Variants in CEP43 observed in about 807,000 individuals in gnomAD.
CEP43 encodes FGFR1 oncogene partner.
CEP43 carries 36 observed loss-of-function variants against 52.6 expected under a neutral mutation model. The observed-to-expected ratio is 0.68, with a 90% confidence interval of 0.52 to 0.90. The LOEUF (loss-of-function observed/expected upper bound fraction) is 0.90. Ranked by LOEUF, CEP43 falls within the 40% of genes least tolerant of loss-of-function variation. The probability of loss-of-function intolerance (pLI) is 0.00; values close to 1 mark genes in which losing one functional copy is unlikely to be tolerated. For missense variants in CEP43, 506 were observed against 472.8 expected (o/e 1.07, Z -0.65); for synonymous variants, 192 against 172.4 (o/e 1.11, Z -0.89).
intron 5 of CEP43, 119 bp from the exon 6 acceptor site, chr6:167,010,694 A>G: frequency 2.0e-6 from 1 of 495,908 alleles, no homozygotes; most frequent in Non-Finnish European, 3.4e-6. Flanking sequence ...TTACTTTAAT[A>G]AGAAATAAAA....
At chr6:167,000,335 T>C (rs548736054) in intron 2 of CEP43, among the ~76,000 whole-genome samples, 2 of 152,384 alleles carry the variant, frequency 1.3e-5, no homozygotes, top group African/African-American at 2.4e-5. Context: ...CTGATACTAA[T>C]GCTTAATCTG....
rs115919719 is a variant in CEP43, at chr6:167,011,865, C to T, written c.519+972C>T. Among the ~76,000 whole-genome samples, 420 of 152,296 alleles carry T rather than the reference C, an allele frequency of 2.8e-3. 3 individuals carry two copies. Among genetic ancestry groups the T allele is most frequent in the African/African-American group, 9.7e-3 (404 of 41,570 alleles). On this transcript the variant is annotated intron_variant, in intron 6 of 12. Transcript: ENST00000366847. ...ACAAAGCCTTCACCCGCATGATCTGCTCACCCCGCAAAGGCTCCACCTTCT... is the reference window on the plus strand; with the variant it reads ...ACAAAGCCTTCACCCGCATGATCTGTTCACCCCGCAAAGGCTCCACCTTCT...
intron 5 of CEP43, among the ~76,000 whole-genome samples, chr6:167,008,415 G>T (rs1779902780): frequency 6.6e-6 from 1 of 152,046 alleles, no homozygotes; most frequent in Admixed American, 6.6e-5. Context: ...AATTTACTGA[G>T]GACAAGGGCT....
At chr6:167,033,099 CTTTTTTTTTT>C (rs71032896) in intron 11 of CEP43, among the ~76,000 whole-genome samples, 12 of 68,354 alleles carry the variant, frequency 1.8e-4, no homozygotes, top group Middle Eastern at 0.031. Flanking sequence ...TTGCCATTCT[CTTTTTTTTTT>C]TTTTTTTTTT....
At chr6:167,039,787 T>G in intron 12 of CEP43, 117 bp from the exon 13 acceptor site, 2 of 1,008,064 alleles carry the variant, frequency 2.0e-6, no homozygotes, top group South Asian at 1.5e-5. Context: ...GATTTTTTGA[T>G]TATGGCCATT....
chr6:167,039,066 C>T (rs1183429562), intron 12 of CEP43, among the ~76,000 whole-genome samples: 1 of 152,116 alleles, frequency 6.6e-6, no homozygotes, highest in African/African-American at 2.4e-5. Context: ...TTTTCCATTC[C>T]TGAGTTACTT....
rs1299861057 is a variant in CEP43 at position 167,049,900 on chromosome 6, A to G, written c.*9922A>G. 1.3e-5 allele frequency: 2 copies of G among 152,332 alleles called. No individual in the cohort carries two copies. The highest frequency in any genetic ancestry group is 1.9e-4 in the East Asian group (1 of 5,186). 9.4% of individuals were successfully genotyped at this position (152,332 alleles called of 1,614,324 possible). ...TTATTCTCTCTCTTTTTAGATATAG[A>G]CATTCTGGCAGGTGTGACATTGTAT... On this transcript the variant is annotated 3_prime_UTR_variant, in exon 13 of 13. Coordinates refer to ENST00000366847, the MANE Select transcript of CEP43 (RefSeq NM_007045.4).
At chr6:167,039,795 ATTC>A in intron 12 of CEP43, 106 bp from the exon 13 acceptor site, 1 of 1,116,960 alleles carries the variant, frequency 9.0e-7, no homozygotes, top group Non-Finnish European at 1.3e-6. Flanking sequence ...GATTATGGCC[ATTC>A]TTGCAGGAGT....
rs952108269 is a variant in CEP43 at position 167,047,822 on chromosome 6, T to C, written c.*7844T>C. ...CACAGAATCAGAAACCATGGATTTC[T>C]GGTCTTGACTCCACTACCACTCAGA... On this transcript the variant is annotated 3_prime_UTR_variant, in exon 13 of 13. Transcript: ENST00000366847. The C allele has an allele frequency of 6.6e-6, 1 of 152,108 alleles. No individual in the cohort carries two copies. The highest frequency in any genetic ancestry group is 1.5e-5 in the Non-Finnish European group (1 of 68,006). The allele number at this position is 152,108 out of a possible 1,614,324, so 9.4% of individuals were successfully genotyped here.
At chr6:167,008,770 A>G (rs913816762) in intron 5 of CEP43, among the ~76,000 whole-genome samples, 6 of 151,662 alleles carry the variant, frequency 4.0e-5, no homozygotes, top group African/African-American at 1.2e-4. Flanking sequence ...CACCGTGCCC[A>G]GCTGGCATAG....
At position 167,012,843 on chromosome 6, in the gene CEP43, C is replaced by T. The variant is rs557061804; in HGVS notation, c.520-665C>T. Among the ~76,000 whole-genome samples the T allele has an allele frequency of 7.2e-5, 11 of 152,252 alleles. No individual in the cohort carries two copies. In the East Asian group the frequency reaches 9.6e-4, roughly 13 times the overall value. ...CGTTTGTCCTAACAGCTGTCTCTGC[C>T]GTCATCCCGTTATTCTAGTTTAGTC... is the stretch of plus-strand genomic sequence containing the variant. On this transcript the variant is annotated intron_variant, in intron 6 of 12. Coordinates refer to ENST00000366847, the MANE Select transcript of CEP43 (RefSeq NM_007045.4).
chr6:167,037,545 A>T (rs1191515823), intron 12 of CEP43, among the ~76,000 whole-genome samples: 1 of 152,220 alleles, frequency 6.6e-6, no homozygotes, highest in Non-Finnish European at 1.5e-5. Flanking sequence ...TAAGATTCCT[A>T]ATAATTTTCT....
chr6:167,018,021 G>A (rs578077021), intron 7 of CEP43, among the ~76,000 whole-genome samples: 258 of 152,320 alleles, frequency 1.7e-3, no homozygotes, highest in African/African-American at 5.9e-3. Flanking sequence ...TGAAATCAAG[G>A]TTCGCGGAGG....
chr6:167,026,052 G>A (rs1780348261), intron 9 of CEP43, among the ~76,000 whole-genome samples: 1 of 152,222 alleles, frequency 6.6e-6, no homozygotes, highest in Non-Finnish European at 1.5e-5. Flanking sequence ...TTCCAATAAA[G>A]TAGTATTGTT....
In CEP43 at chr6:167,013,824, T is replaced by G. The variant is rs1780035521; in HGVS notation, c.579+257T>G. Among the ~76,000 whole-genome samples, 3 of 152,132 alleles carry G rather than the reference T, an allele frequency of 2.0e-5. No homozygotes were observed. The South Asian group carries it at 6.2e-4, about 32-fold the overall frequency. On this transcript the variant is annotated intron_variant, in intron 7 of 12. Coordinates refer to ENST00000366847, the MANE Select transcript of CEP43 (RefSeq NM_007045.4). ...CCCCGCCTCTACTAAAATACAAAAA[T>G]TAGCCGGCCGTGGTGGTGTGCGCCT...
intron 8 of CEP43, among the ~76,000 whole-genome samples, chr6:167,023,894 T>A (rs1328044449): frequency 6.6e-6 from 1 of 152,036 alleles, no homozygotes; most frequent in Admixed American, 6.5e-5. Context: ...AGGAAAGGAT[T>A]GTAGATGAAA....
At position 167,042,373 on chromosome 6, in the gene CEP43, T is replaced by C. The variant is rs1780718454; in HGVS notation, c.*2395T>C. ...AATGCTAGGTCTTTCTTTCATTTTA[T>C]TGATAACTACAAATGAATAAAAAGC... is the stretch of plus-strand genomic sequence containing the variant. On this transcript the variant is annotated 3_prime_UTR_variant, in exon 13 of 13. Transcript: ENST00000366847. 2 of 969,104 alleles carry C rather than the reference T, an allele frequency of 2.1e-6. No individual in the cohort carries two copies. Among genetic ancestry groups the C allele is most frequent in the East Asian group, 8.0e-5 (1 of 12,442 alleles). The allele number at this position is 969,104 out of a possible 1,614,324, so 60.0% of individuals were successfully genotyped here. A position where few individuals can be genotyped will look rare whatever the true frequency, so the allele number is the denominator to read the frequency against.
chr6:167,014,710 G>A (rs564852647), intron 7 of CEP43, among the ~76,000 whole-genome samples: 13 of 152,128 alleles, frequency 8.5e-5, no homozygotes, highest in South Asian at 6.2e-4. Flanking sequence ...TTCTTTATGC[G>A]TTATTAAACA....
At chr6:167,035,264 A>G (rs1420865759) in intron 12 of CEP43, among the ~76,000 whole-genome samples, 2 of 152,244 alleles carry the variant, frequency 1.3e-5, no homozygotes, top group Non-Finnish European at 2.9e-5. Context: ...GTACTTCATC[A>G]GGAAGCATTT....
Sources: gnomAD v4.1 joint callset for allele counts (sites outside exome capture counted in the v4.1 genomes callset) on GRCh38, gnomAD v4.1.1 for gene constraint, MANE v1.5 for transcripts, NCBI Gene and HGNC (gene_info 2026-07-23, HGNC 2026-07-21) for gene names.